APBB2: variants seen among roughly 807,000 people sequenced by gnomAD.
APBB2 encodes the protein Fe65-like 1.
In APBB2, 38 loss-of-function variants were observed where a neutral mutation model predicts 82.5. The observed-to-expected ratio is 0.46, with a 90% confidence interval of 0.36 to 0.60. The LOEUF (loss-of-function observed/expected upper bound fraction) is 0.60, where lower values mean the gene tolerates loss of function less well. APBB2 is among the 20% of genes least tolerant of loss of function. The pLI, the probability that APBB2 is intolerant of heterozygous loss-of-function variation, is 0.00. For synonymous variants in APBB2, 341 were observed against 368.2 expected, an observed-to-expected ratio of 0.93 and a Z score of 0.85; for missense variants, 772 against 972.3, an observed-to-expected ratio of 0.79 and a Z score of 2.74.
chr4:41,123,337 T>C (rs1753444413), intron 2 of APBB2, among the ~76,000 whole-genome samples: 1 of 152,114 alleles, frequency 6.6e-6, no homozygotes, highest in Non-Finnish European at 1.5e-5. Flanking sequence ...GAACAGCTGG[T>C]CCACTTTCTT....
At chr4:41,139,873 C>G (rs190359644) in intron 2 of APBB2, among the ~76,000 whole-genome samples, 1 of 152,052 alleles carries the variant, frequency 6.6e-6, no homozygotes, top group East Asian at 1.9e-4. Context: ...GAACATACAA[C>G]GCAAAGAGTG....
intron 1 of APBB2, among the ~76,000 whole-genome samples, chr4:41,195,970 C>A: frequency 2.6e-5 from 4 of 152,152 alleles, no homozygotes; most frequent in Non-Finnish European, 5.9e-5. Context: ...ACCATCCTGG[C>A]TAACACGGTG....
chr4:41,159,252 C>G (rs1230632785), intron 1 of APBB2, among the ~76,000 whole-genome samples: 2 of 152,114 alleles, frequency 1.3e-5, no homozygotes, highest in African/African-American at 4.8e-5. Context: ...TTTTCTTTCT[C>G]TCTCTCTCTG....
rs201816170 is a variant in APBB2, at chr4:40,832,019, C to T, written c.1530-1442G>A. Among the ~76,000 whole-genome samples, 1,644 of 118,826 alleles carry T rather than the reference C, an allele frequency of 0.014. 24 individuals carry two copies. The highest frequency in any genetic ancestry group is 0.043 in the East Asian group (165 of 3,854). 78.0% of individuals were successfully genotyped at this position (118,826 alleles called of 152,430 possible). A position where few individuals can be genotyped will look rare whatever the true frequency, so the allele number is the denominator to read the frequency against. ...ATTTATATATTTATTTATATACACA[C>T]ACACACACACACACACACACACACA... On this transcript the variant is annotated intron_variant, in intron 12 of 17. Coordinates refer to ENST00000508593, the MANE Select transcript of APBB2 (RefSeq NM_004307.2). The surrounding 1 kb of genome is among the most constrained non-coding windows in gnomAD (Gnocchi z 4.8).
intron 1 of APBB2, among the ~76,000 whole-genome samples, chr4:41,168,912 T>C (rs911306231): frequency 6.7e-5 from 10 of 149,796 alleles, no homozygotes; most frequent in Non-Finnish European, 1.2e-4. Flanking sequence ...AGTGGCTGGA[T>C]GCAGTGGCTC....
intron 3 of APBB2, among the ~76,000 whole-genome samples, chr4:41,093,740 G>C (rs1325804974): frequency 6.6e-6 from 1 of 152,112 alleles, no homozygotes; most frequent in Non-Finnish European, 1.5e-5. Flanking sequence ...TGTAATCCCA[G>C]CTACTTGGGA....
At chr4:41,002,357 T>C (rs753878584) in intron 6 of APBB2, among the ~76,000 whole-genome samples, 1 of 152,220 alleles carries the variant, frequency 6.6e-6, no homozygotes, top group Non-Finnish European at 1.5e-5. Context: ...ACAGTTCATG[T>C]CACACTTTGA....
At chr4:40,935,297 C>A (rs1294270548) in intron 7 of APBB2, 158 bp from the exon 8 acceptor site, 4 of 596,562 alleles carry the variant, frequency 6.7e-6, no homozygotes, top group Non-Finnish European at 1.2e-5. Context: ...TTGGCTCACT[C>A]CCTCTATGTC....
At chr4:41,116,872 CAAATT>C (rs1208361999) in intron 2 of APBB2, among the ~76,000 whole-genome samples, 1 of 151,998 alleles carries the variant, frequency 6.6e-6, no homozygotes, top group Non-Finnish European at 1.5e-5. Flanking sequence ...GTTGTCTTGC[CAAATT>C]AAATTATAGT....
chr4:40,833,510 A>C (rs1268451832), intron 12 of APBB2, among the ~76,000 whole-genome samples: 2 of 152,178 alleles, frequency 1.3e-5, no homozygotes, highest in Non-Finnish European at 2.9e-5. Flanking sequence ...TGCTTGTATC[A>C]AAATGCCCAC....
intron 4 of APBB2, among the ~76,000 whole-genome samples, chr4:41,050,081 C>A (rs1033500497): frequency 1.3e-5 from 2 of 151,834 alleles, no homozygotes; most frequent in Non-Finnish European, 2.9e-5. Flanking sequence ...CCTGCCAAAT[C>A]CCCCTCTGCG....
rs138937663 is a variant in APBB2, at chr4:40,919,830, G to C, written c.1254+14626C>G. On this transcript the variant is annotated intron_variant, in intron 10 of 17. Transcript: ENST00000508593. Reference sequence around the variant, plus strand: ...TCGCAGCAACACTGTGAGGTTCCCAGACTAGGCAATAGCGTCATCCCATTT... The same window carrying C: ...TCGCAGCAACACTGTGAGGTTCCCACACTAGGCAATAGCGTCATCCCATTT... 8.8e-3 allele frequency among the ~76,000 whole-genome samples: 1,334 copies of C among 152,322 alleles called. 12 individuals carry two copies. The highest frequency in any genetic ancestry group is 0.024 in the African/African-American group (1,001 of 41,560).
intron 2 of APBB2, among the ~76,000 whole-genome samples, chr4:41,116,215 C>A (rs1216684564): frequency 6.6e-6 from 1 of 152,086 alleles, no homozygotes; most frequent in Admixed American, 6.6e-5. Context: ...AACACAGGAA[C>A]AGAAAACCAA....
chr4:41,008,157 A>G (rs1442518759), intron 6 of APBB2, among the ~76,000 whole-genome samples: 1 of 152,220 alleles, frequency 6.6e-6, no homozygotes, highest in African/African-American at 2.4e-5. Flanking sequence ...CCTCTGTGGT[A>G]AAACACTGGA....
chr4:41,204,705 A>C (rs910522990), intron 1 of APBB2, among the ~76,000 whole-genome samples: 2 of 152,228 alleles, frequency 1.3e-5, no homozygotes, highest in Non-Finnish European at 2.9e-5. Context: ...GTCAGTGTCC[A>C]CGTGTGGCAT....
chr4:40,973,270 C>T (rs964215758), intron 6 of APBB2, among the ~76,000 whole-genome samples: 3 of 152,166 alleles, frequency 2.0e-5, no homozygotes, highest in Non-Finnish European at 4.4e-5. Context: ...ATTAACACCC[C>T]AGCTTCCTCT....
chr4:41,165,108 T>C (rs1255733345), intron 1 of APBB2, among the ~76,000 whole-genome samples: 1 of 152,236 alleles, frequency 6.6e-6, no homozygotes, highest in Non-Finnish European at 1.5e-5. Context: ...TTTTATATTT[T>C]ATTTGACCAT....
intron 2 of APBB2, among the ~76,000 whole-genome samples, chr4:41,123,029 C>T (rs1423216391): frequency 6.6e-6 from 1 of 152,156 alleles, no homozygotes; most frequent in African/African-American, 2.4e-5. Context: ...GTCACAAATT[C>T]CTACTCACCT....
intron 1 of APBB2, among the ~76,000 whole-genome samples, chr4:41,191,353 T>C (rs1338287922): frequency 2.0e-5 from 3 of 152,222 alleles, no homozygotes; most frequent in African/African-American, 7.2e-5. Context: ...CAACCTGGTG[T>C]CCACTGACAA....
Sources: gnomAD v4.1 joint callset for allele counts (sites outside exome capture counted in the v4.1 genomes callset) on GRCh38, gnomAD v4.1.1 for gene constraint, Gnocchi (gnomAD v3.1) non-coding constraint, MANE v1.5 for transcripts, NCBI Gene and HGNC (gene_info 2026-07-23, HGNC 2026-07-21) for gene names.